Variants in FBXO10 observed in about 807,000 individuals in gnomAD.
FBXO10 encodes the protein F-box only protein 10.
In FBXO10, 39 loss-of-function variants were observed where a neutral mutation model predicts 80.7. The ratio of observed to expected loss-of-function variants is 0.48; its 90% CI spans 0.37 to 0.63. The LOEUF (loss-of-function observed/expected upper bound fraction) is 0.63. FBXO10 is among the 30% of genes least tolerant of loss of function. The pLI, the probability that FBXO10 is intolerant of heterozygous loss-of-function variation, is 0.00. For missense variants in FBXO10, 1,025 were observed against 1,269.0 expected (o/e 0.81, Z 2.92); for synonymous variants, 449 against 489.6 (o/e 0.92, Z 1.09).
intron 6 of FBXO10, among the ~76,000 whole-genome samples, chr9:37,524,045 C>T (rs1369464592): frequency 6.6e-6 from 1 of 152,240 alleles, no homozygotes. Flanking sequence ...GTGTGACTGG[C>T]CTCTTCCTGT....
chr9:37,554,689 A>G (rs914518146), intron 1 of FBXO10, among the ~76,000 whole-genome samples: 1 of 152,212 alleles, frequency 6.6e-6, no homozygotes, highest in South Asian at 2.1e-4. Flanking sequence ...GGGATCATGC[A>G]GTATGTATTC....
chr9:37,571,860 C>A (rs1822768885), intron 1 of FBXO10, among the ~76,000 whole-genome samples: 1 of 151,162 alleles, frequency 6.6e-6, no homozygotes, highest in Admixed American at 6.6e-5. Context: ...AAGGGCTGGG[C>A]ATGGTAGCTC....
intron 1 of FBXO10, among the ~76,000 whole-genome samples, chr9:37,562,586 T>G (rs1211727446): frequency 1.3e-5 from 2 of 152,232 alleles, no homozygotes; most frequent in African/African-American, 4.8e-5. Context: ...TTTGCATCAC[T>G]GCTTTGCACT....
chr9:37,519,190 T>C lies in FBXO10; in HGVS notation c.2201-752A>G, dbSNP rs369459911. Among the ~76,000 whole-genome samples, 9 of 152,360 alleles carry C rather than the reference T, an allele frequency of 5.9e-5. No homozygotes were observed. The South Asian group carries it at 1.9e-3, about 32-fold the overall frequency. On this transcript the variant is annotated intron_variant, in intron 8 of 10. Coordinates refer to ENST00000432825, the MANE Select transcript of FBXO10 (RefSeq NM_012166.3). ...TCCCAAAGTGCTGGGATTACAGGCG[T>C]GAGCCACCATGCCTGGCCGGAAATT...
chr9:37,531,196 T>C (rs2182746), intron 4 of FBXO10, among the ~76,000 whole-genome samples: 142,583 of 152,272 alleles, frequency 0.94, 66,804 homozygotes, highest in East Asian at 1. Flanking sequence ...AAGCATTATG[T>C]ATTAATGGTG....
At chr9:37,520,988 T>C (rs1821327236) in intron 8 of FBXO10, among the ~76,000 whole-genome samples, 1 of 152,064 alleles carries the variant, frequency 6.6e-6, no homozygotes, top group Admixed American at 6.6e-5. Flanking sequence ...AGGGCCCAGT[T>C]CAAAGGAGGA....
chr9:37,538,085 G>T, intron 2 of FBXO10, 142 bp from the exon 3 acceptor site: 1 of 668,432 alleles, frequency 1.5e-6, no homozygotes. Context: ...CTGGATGTCA[G>T]CTGTCCCCAA....
At chr9:37,574,524 C>T (rs1437312127) in intron 1 of FBXO10, among the ~76,000 whole-genome samples, 1 of 152,150 alleles carries the variant, frequency 6.6e-6, no homozygotes, top group Non-Finnish European at 1.5e-5. Flanking sequence ...CAAAGAAATC[C>T]AAGTGCTCCA....
chr9:37,570,393 G>GA (rs753981756), intron 1 of FBXO10, among the ~76,000 whole-genome samples: 8 of 151,490 alleles, frequency 5.3e-5, no homozygotes, highest in Non-Finnish European at 1.0e-4. Context: ...ACAGAATTTG[G>GA]AAAAAAATGT....
intron 6 of FBXO10, among the ~76,000 whole-genome samples, chr9:37,524,607 G>A (rs1038458329): frequency 4.6e-5 from 7 of 152,100 alleles, no homozygotes; most frequent in Admixed American, 3.3e-4. Context: ...CAGAGGAGAC[G>A]GACACCACAA....
chr9:37,553,657 G>C (rs1299587016), intron 1 of FBXO10, among the ~76,000 whole-genome samples: 2 of 151,704 alleles, frequency 1.3e-5, no homozygotes, highest in Non-Finnish European at 2.9e-5. Flanking sequence ...TGGAATCCCA[G>C]CACTTTGGGA....
chr9:37,557,916 C>T (rs979452981), intron 1 of FBXO10, among the ~76,000 whole-genome samples: 1 of 152,160 alleles, frequency 6.6e-6, no homozygotes, highest in African/African-American at 2.4e-5. Context: ...CATCAACTAC[C>T]CAAACATTTC....
At chr9:37,526,860 T>TATTG (rs1821489031) in intron 5 of FBXO10, among the ~76,000 whole-genome samples, 1 of 135,690 alleles carries the variant, frequency 7.4e-6, no homozygotes, top group East Asian at 2.2e-4. Flanking sequence ...TTTATTTATT[T>TATTG]ATTTATTGAA....
chr9:37,547,643 T>C (rs1287653458), intron 1 of FBXO10, among the ~76,000 whole-genome samples: 1 of 151,238 alleles, frequency 6.6e-6, no homozygotes, highest in Admixed American at 6.6e-5. Context: ...AAGACAAAAC[T>C]AGTCTATGGT....
At chr9:37,550,955 T>A (rs1263493056) in intron 1 of FBXO10, among the ~76,000 whole-genome samples, 1 of 152,202 alleles carries the variant, frequency 6.6e-6, no homozygotes, top group African/African-American at 2.4e-5. Context: ...CAGATATGGA[T>A]GACAGTCAAG....
chr9:37,560,118 G>C (rs527624893), intron 1 of FBXO10, among the ~76,000 whole-genome samples: 1 of 152,136 alleles, frequency 6.6e-6, no homozygotes, highest in South Asian at 2.1e-4. Flanking sequence ...AGCTTGTACT[G>C]TCTATTATAG....
chr9:37,523,548 G>A (rs957871936), intron 6 of FBXO10, among the ~76,000 whole-genome samples: 4 of 151,988 alleles, frequency 2.6e-5, no homozygotes, highest in African/African-American at 9.7e-5. Flanking sequence ...CTGAGACCCT[G>A]CCTCAAAAAA....
chr9:37,568,435 C>T (rs1163245923), intron 1 of FBXO10, among the ~76,000 whole-genome samples: 1 of 152,006 alleles, frequency 6.6e-6, no homozygotes, highest in Non-Finnish European at 1.5e-5. Flanking sequence ...TGACCTCAGG[C>T]AAACCGCCCA....
intron 1 of FBXO10, 125 bp from the exon 2 acceptor site, chr9:37,541,899 G>T (rs1177250371): frequency 3.9e-6 from 3 of 777,818 alleles, no homozygotes; most frequent in Non-Finnish European, 6.0e-6. Context: ...TGCGATCTTG[G>T]CCTCACCATA....
Sources: gnomAD v4.1 joint callset for allele counts (sites outside exome capture counted in the v4.1 genomes callset) on GRCh38, gnomAD v4.1.1 for gene constraint, MANE v1.5 for transcripts, NCBI Gene and HGNC (gene_info 2026-07-23, HGNC 2026-07-21) for gene names.